Variants in FNDC3A observed in about 807,000 individuals in gnomAD.
FNDC3A encodes fibronectin type III domain containing 3A.
A neutral mutation model predicts 148.9 loss-of-function variants in FNDC3A; 32 were observed. The ratio of observed to expected loss-of-function variants is 0.21; its 90% CI spans 0.16 to 0.29. The LOEUF (loss-of-function observed/expected upper bound fraction) is 0.29. Ranked by LOEUF, FNDC3A falls within the 10% of genes least tolerant of loss-of-function variation. The pLI, the probability that FNDC3A is intolerant of heterozygous loss-of-function variation, is 1.00. For missense variants in FNDC3A, 1,191 were observed against 1,452.8 expected, an observed-to-expected ratio of 0.82 and a Z score of 2.93; for synonymous variants, 472 against 473.6, an observed-to-expected ratio of 1.00 and a Z score of 0.04.
intron 14 of FNDC3A, among the ~76,000 whole-genome samples, chr13:49,182,591 A>AAAG (rs1447882188): frequency 6.6e-6 from 1 of 151,660 alleles, no homozygotes; most frequent in Non-Finnish European, 1.5e-5. Context: ...TAAGGCTTCT[A>AAAG]AAGGTCAAGT....
intron 14 of FNDC3A, among the ~76,000 whole-genome samples, chr13:49,183,634 A>G (rs566234491): frequency 1.3e-5 from 2 of 152,206 alleles, no homozygotes; most frequent in Non-Finnish European, 2.9e-5. Context: ...TAAAAGGTTT[A>G]AGTAGATTCT....
intron 14 of FNDC3A, among the ~76,000 whole-genome samples, chr13:49,182,284 C>A (rs554307499): frequency 6.6e-6 from 1 of 152,060 alleles, no homozygotes; most frequent in Non-Finnish European, 1.5e-5. Context: ...CCACGACACC[C>A]GGCCAAAAAT....
At chr13:49,117,738 C>T (rs186318148) in intron 4 of FNDC3A, among the ~76,000 whole-genome samples, 1 of 152,098 alleles carries the variant, frequency 6.6e-6, no homozygotes, top group African/African-American at 2.4e-5. Context: ...AAAGTACACC[C>T]GAGGGTGTTG....
At chr13:49,055,907 C>T (rs1196394057) in intron 2 of FNDC3A, among the ~76,000 whole-genome samples, 1 of 152,062 alleles carries the variant, frequency 6.6e-6, no homozygotes, top group African/African-American at 2.4e-5. Context: ...TTTACAGAGG[C>T]CGGGTGTGGT....
chr13:49,023,847 A>T (rs897447581), intron 2 of FNDC3A, among the ~76,000 whole-genome samples: 6 of 151,990 alleles, frequency 3.9e-5, no homozygotes, highest in Non-Finnish European at 7.4e-5. Context: ...GATTTTTGTC[A>T]AAAAGTGTAC....
At chr13:49,188,216 T>A (rs1373152592) in intron 16 of FNDC3A, among the ~76,000 whole-genome samples, 3 of 152,234 alleles carry the variant, frequency 2.0e-5, no homozygotes, top group Admixed American at 2.0e-4. Context: ...GCTATAACGT[T>A]ATTACTGGAC....
intron 19 of FNDC3A, among the ~76,000 whole-genome samples, chr13:49,192,021 A>G (rs773598511): frequency 1.3e-5 from 2 of 152,200 alleles, no homozygotes; most frequent in Non-Finnish European, 2.9e-5. Context: ...GTAAGCTACA[A>G]ACCTTAGTTT....
intron 8 of FNDC3A, among the ~76,000 whole-genome samples, chr13:49,157,529 T>C (rs1254859097): frequency 3.3e-5 from 5 of 150,016 alleles, no homozygotes; most frequent in African/African-American, 1.2e-4. Context: ...CTCGTCAAAG[T>C]CATTCTCCAT....
intron 2 of FNDC3A, among the ~76,000 whole-genome samples, chr13:49,054,466 C>G (rs1475044471): frequency 6.6e-6 from 1 of 152,196 alleles, no homozygotes; most frequent in Non-Finnish European, 1.5e-5. Context: ...CTTCATTCAA[C>G]ATAATCTTGT....
chr13:49,116,178 C>T (rs1880945631), intron 4 of FNDC3A, among the ~76,000 whole-genome samples: 2 of 152,288 alleles, frequency 1.3e-5, no homozygotes, highest in South Asian at 4.1e-4. Flanking sequence ...AACTCCTATC[C>T]TTTTCATTTC....
intron 3 of FNDC3A, among the ~76,000 whole-genome samples, chr13:49,100,274 C>T (rs1436025468): frequency 1.3e-5 from 2 of 151,948 alleles, no homozygotes; most frequent in Non-Finnish European, 2.9e-5. Flanking sequence ...AATAAAGAAA[C>T]ATACCAAATG....
intron 3 of FNDC3A, among the ~76,000 whole-genome samples, chr13:49,104,885 G>A (rs1407829): frequency 0.58 from 87,990 of 152,020 alleles, 27,133 homozygotes; most frequent in Non-Finnish European, 0.68. Flanking sequence ...CTACAGAGTA[G>A]AGAAAGTTTT....
chr13:49,144,126 C>T (rs185784685), intron 7 of FNDC3A, among the ~76,000 whole-genome samples: 104 of 151,898 alleles, frequency 6.8e-4, no homozygotes, highest in Admixed American at 2.8e-3. Context: ...TTTAACACAA[C>T]TATTATCATC....
chr13:49,012,301 G>C (rs2137613674), intron 2 of FNDC3A, among the ~76,000 whole-genome samples: 1 of 152,062 alleles, frequency 6.6e-6, no homozygotes, highest in East Asian at 1.9e-4. Context: ...TTTTAGTAGA[G>C]ATGGGGTTTC....
chr13:49,044,803 G>T, intron 2 of FNDC3A: 1 of 417,810 alleles, frequency 2.4e-6, no homozygotes, highest in East Asian at 6.9e-5. Context: ...TTGTTGCCAG[G>T]CCATTTTTTC....
chr13:48,980,968 C>T (rs1951684338), intron 1 of FNDC3A, among the ~76,000 whole-genome samples: 1 of 152,092 alleles, frequency 6.6e-6, no homozygotes, highest in African/African-American at 2.4e-5. Context: ...AACATTAAAA[C>T]CAACCAAACA....
intron 1 of FNDC3A, among the ~76,000 whole-genome samples, chr13:49,000,419 A>G (rs1952105054): frequency 6.6e-6 from 1 of 152,138 alleles, no homozygotes; most frequent in Non-Finnish European, 1.5e-5. Context: ...TAGGCTCTCT[A>G]TTCTATTTCA....
At chr13:49,111,882 T>C (rs1566256710) in intron 3 of FNDC3A, among the ~76,000 whole-genome samples, 1 of 152,184 alleles carries the variant, frequency 6.6e-6, no homozygotes, top group Non-Finnish European at 1.5e-5. Flanking sequence ...TGGTTTATTT[T>C]AGCTTACATT....
At chr13:49,163,721 A>G (rs138382263) in intron 8 of FNDC3A, among the ~76,000 whole-genome samples, 98 of 152,212 alleles carry the variant, frequency 6.4e-4, no homozygotes, top group African/African-American at 2.0e-3. Context: ...TATTGCTCAC[A>G]CTGGGAGCTG....
Sources: allele counts gnomAD v4.1 joint callset (sites outside exome capture counted in the v4.1 genomes callset), GRCh38; gene constraint gnomAD v4.1.1; transcripts MANE v1.5; gene names NCBI Gene and HGNC (gene_info 2026-07-23, HGNC 2026-07-21).